The following HMG20A variants were observed in gnomAD, a reference collection of about 807,000 sequenced individuals.
HMG20A encodes high mobility group 20A.
HMG20A carries 17 observed loss-of-function variants against 43.9 expected under a neutral mutation model. The ratio of observed to expected loss-of-function variants is 0.39; its 90% CI spans 0.27 to 0.58. The LOEUF (loss-of-function observed/expected upper bound fraction) is 0.58. HMG20A is among the 20% of genes least tolerant of loss of function. The pLI, the probability that HMG20A is intolerant of heterozygous loss-of-function variation, is 0.59. For synonymous variants in HMG20A, 132 were observed against 147.5 expected (o/e 0.89, Z 0.76); for missense variants, 341 against 438.2 (o/e 0.78, Z 1.98).
chr15:77,466,828 T>C (rs531537406), intron 3 of HMG20A, among the ~76,000 whole-genome samples: 3 of 152,150 alleles, frequency 2.0e-5, no homozygotes, highest in Non-Finnish European at 4.4e-5. Flanking sequence ...TACATTGAGA[T>C]TAGCACAAAA....
intron 1 of HMG20A, among the ~76,000 whole-genome samples, chr15:77,426,420 T>G (rs983017602): frequency 6.6e-6 from 1 of 152,154 alleles, no homozygotes; most frequent in African/African-American, 2.4e-5. Context: ...TACAATAAGC[T>G]AGAGAAAGAA....
chr15:77,425,491 A>G (rs913141180), intron 1 of HMG20A, among the ~76,000 whole-genome samples: 3 of 152,212 alleles, frequency 2.0e-5, no homozygotes, highest in African/African-American at 7.2e-5. Context: ...GTAAGTCATC[A>G]TTCTCTCATT....
At chr15:77,481,785 C>T (rs1281795139) in intron 9 of HMG20A, among the ~76,000 whole-genome samples, 1 of 152,136 alleles carries the variant, frequency 6.6e-6, no homozygotes, top group Non-Finnish European at 1.5e-5. Context: ...TTCCCCACAC[C>T]CCCAAAACTG....
chr15:77,473,251 A>T (rs1422550951), intron 6 of HMG20A, among the ~76,000 whole-genome samples: 3 of 152,216 alleles, frequency 2.0e-5, no homozygotes, highest in Admixed American at 2.0e-4. Context: ...TCTAATTAGG[A>T]TGAAATGTTA....
chr15:77,466,233 T>G (rs1395320027), intron 3 of HMG20A, among the ~76,000 whole-genome samples: 1 of 152,140 alleles, frequency 6.6e-6, no homozygotes, highest in African/African-American at 2.4e-5. Context: ...ATACAAAAAT[T>G]AGCTGGGTGT....
chr15:77,471,109 G>A, intron 5 of HMG20A, 67 bp downstream of exon 5: 2 of 1,461,972 alleles, frequency 1.4e-6, no homozygotes, highest in Non-Finnish European at 1.8e-6. Context: ...AAAGCCAACT[G>A]TTAAGAGTGG....
the HMG20A span, among the ~76,000 whole-genome samples, chr15:77,499,915 C>T: frequency 0.013 from 1,955 of 151,940 alleles, 47 homozygotes; most frequent in African/African-American, 0.045. Flanking sequence ...CTGCAACCTC[C>T]GCCTCCCAGG....
At chr15:77,439,659 C>T (rs2864840) in intron 1 of HMG20A, among the ~76,000 whole-genome samples, 30,971 of 152,008 alleles carry the variant, frequency 0.2, 3,924 homozygotes, top group Middle Eastern at 0.29. Flanking sequence ...GTTGGTTCCA[C>T]TTTGAGGCTA....
the HMG20A span, among the ~76,000 whole-genome samples, chr15:77,513,565 C>T: frequency 1.6e-4 from 24 of 152,142 alleles, no homozygotes; most frequent in African/African-American, 4.3e-4. Flanking sequence ...ATCAAGGTGC[C>T]GACCGGGTTG....
intron 1 of HMG20A, among the ~76,000 whole-genome samples, chr15:77,442,679 C>T (rs2073625280): frequency 6.6e-6 from 1 of 152,104 alleles, no homozygotes; most frequent in Admixed American, 6.6e-5. Flanking sequence ...AGGCATCTTT[C>T]AGCAATAAGC....
rs747608102 is a variant in HMG20A at position 77,470,904 on chromosome 15, T to A, written c.451-6T>A. The A allele has an allele frequency of 1.3e-6, 2 of 1,561,716 alleles. No homozygotes were observed. The highest frequency in any genetic ancestry group is 1.2e-5 in the South Asian group (1 of 81,918). On this transcript the variant is annotated splice_region_variant and splice_polypyrimidine_tract_variant and intron_variant, in intron 4 of 9. Coordinates refer to ENST00000336216, the MANE Select transcript of HMG20A (RefSeq NM_001304504.2). ...TCTTGAAAATAATTCTGTATTTCTT[T>A]CCTAGCGCTACCTTGATGAAGCAGA...
chr15:77,493,346 C>T, the HMG20A span, among the ~76,000 whole-genome samples: 7 of 151,984 alleles, frequency 4.6e-5, no homozygotes, highest in Non-Finnish European at 1.0e-4. Flanking sequence ...GAAAAGAGCA[C>T]AAAAACCAGC....
At chr15:77,422,343 G>A (rs1468650657) in intron 1 of HMG20A, among the ~76,000 whole-genome samples, 1 of 152,096 alleles carries the variant, frequency 6.6e-6, no homozygotes, top group Non-Finnish European at 1.5e-5. Context: ...TTTTTAAAAA[G>A]CTGTTTGGTC....
chr15:77,517,926 G>A, the HMG20A span, among the ~76,000 whole-genome samples: 1 of 152,132 alleles, frequency 6.6e-6, no homozygotes, highest in Non-Finnish European at 1.5e-5. Context: ...TGGGGAGAAT[G>A]CCTTCCTAAT....
chr15:77,443,379 G>GATTATTATTATTATTATTATTATT (rs58715798), intron 1 of HMG20A, among the ~76,000 whole-genome samples: 1 of 131,332 alleles, frequency 7.6e-6, no homozygotes, highest in Non-Finnish European at 1.6e-5. Context: ...TGATGATGAT[G>GATTATTATTATTATTATTATTATT]ATTATTATTA....
chr15:77,428,842 T>C (rs140582124), intron 1 of HMG20A, among the ~76,000 whole-genome samples: 5 of 151,954 alleles, frequency 3.3e-5, no homozygotes, highest in African/African-American at 4.8e-5. Flanking sequence ...TATATACACA[T>C]GTGGTCATAG....
chr15:77,495,060 A>C, the HMG20A span, among the ~76,000 whole-genome samples: 1 of 152,384 alleles, frequency 6.6e-6, no homozygotes, highest in East Asian at 1.9e-4. Context: ...CTTGCTCTGC[A>C]AAATGAGGCC....
At chr15:77,443,285 G>T (rs1235343865) in intron 1 of HMG20A, among the ~76,000 whole-genome samples, 1 of 144,510 alleles carries the variant, frequency 6.9e-6, no homozygotes, top group African/African-American at 2.6e-5. Context: ...TGCCCACCTC[G>T]GCCTCCCAAC....
chr15:77,441,787 A>G (rs1399138341), intron 1 of HMG20A, among the ~76,000 whole-genome samples: 2 of 152,136 alleles, frequency 1.3e-5, no homozygotes, highest in African/African-American at 4.8e-5. Context: ...ATTGTAATTT[A>G]TCAACTTTGT....
Sources: gnomAD v4.1 joint callset for allele counts (sites outside exome capture counted in the v4.1 genomes callset) on GRCh38, gnomAD v4.1.1 for gene constraint, MANE v1.5 for transcripts, NCBI Gene and HGNC (gene_info 2026-07-23, HGNC 2026-07-21) for gene names.